Variants in SSH2 observed in about 807,000 individuals in gnomAD.
The protein encoded by SSH2 is protein phosphatase Slingshot homolog 2.
In SSH2, 37 loss-of-function variants were observed where a neutral mutation model predicts 135.2. That is an observed-to-expected ratio of 0.27 (90% CI 0.21 to 0.36). The LOEUF is 0.36. Ranked by LOEUF, SSH2 falls within the 10% of genes least tolerant of loss-of-function variation. The probability of loss-of-function intolerance (pLI) is 1.00; values close to 1 mark genes in which losing one functional copy is unlikely to be tolerated. For synonymous variants in SSH2, 628 were observed against 646.2 expected, an observed-to-expected ratio of 0.97 and a Z score of 0.43; for missense variants, 1,408 against 1,765.3, an observed-to-expected ratio of 0.80 and a Z score of 3.63.
At chr17:29,785,920 TCAGCCTCCC>T (rs1478550945) in intron 3 of SSH2, among the ~76,000 whole-genome samples, 1 of 150,708 alleles carries the variant, frequency 6.6e-6, no homozygotes, top group East Asian at 2.0e-4. Context: ...TTCTCCTGCC[TCAGCCTCCC>T]CAGTAGCTGG....
intron 1 of SSH2, among the ~76,000 whole-genome samples, chr17:29,928,969 T>C (rs554824023): frequency 6.6e-6 from 1 of 152,110 alleles, no homozygotes; most frequent in African/African-American, 2.4e-5. Flanking sequence ...TTTATTTCTC[T>C]CTAAAACATC....
chr17:29,907,882 G>A (rs1414141302), intron 1 of SSH2, among the ~76,000 whole-genome samples: 2 of 145,034 alleles, frequency 1.4e-5, no homozygotes, highest in African/African-American at 5.1e-5. Context: ...TTTCAGTGGT[G>A]TGATCATGGC....
At chr17:29,696,234 CAG>C (rs1312217131) in intron 4 of SSH2, among the ~76,000 whole-genome samples, 11 of 148,446 alleles carry the variant, frequency 7.4e-5, no homozygotes, top group East Asian at 2.0e-4. Context: ...TACATATACA[CAG>C]AGTGAGACTC....
intron 2 of SSH2, among the ~76,000 whole-genome samples, chr17:29,826,985 A>T (rs1240357755): frequency 6.6e-6 from 1 of 152,170 alleles, no homozygotes; most frequent in Admixed American, 6.6e-5. Flanking sequence ...CGACTTTTTC[A>T]TTTCCTTCAT....
chr17:29,869,979 TA>T lies in SSH2; in HGVS notation c.64-21051del, dbSNP rs370405856. Among the ~76,000 whole-genome samples, 94 of 152,184 alleles carry T rather than the reference TA, an allele frequency of 6.2e-4. 2 individuals are homozygous for T. In the East Asian group the frequency reaches 0.015, roughly 25 times the overall value. ...TCTTGCATGGGATATTGGTCGGTAC[TA>T]TTTTTTTTTTCAGGTTTGGTTTTAG... On this transcript the variant is annotated intron_variant, in intron 1 of 15. Transcript: ENST00000540801.
At chr17:29,690,536 G>A (rs1194991518) in intron 5 of SSH2, among the ~76,000 whole-genome samples, 1 of 151,870 alleles carries the variant, frequency 6.6e-6, no homozygotes, top group African/African-American at 2.4e-5. Context: ...AAGGCCCAAT[G>A]TCTAAGACAG....
At chr17:29,783,440 T>C (rs1443923733) in intron 3 of SSH2, among the ~76,000 whole-genome samples, 4 of 151,362 alleles carry the variant, frequency 2.6e-5, no homozygotes, top group African/African-American at 9.7e-5. Flanking sequence ...GTCCCAAAAG[T>C]GAAGAAGTGA....
rs941049566 is a variant in SSH2, at chr17:29,918,189, T to TAATC, written c.63+11745_63+11748dup. Among the ~76,000 whole-genome samples the TAATC allele has an allele frequency of 4.1e-4, 63 of 152,078 alleles. 1 individual carries two copies. Among genetic ancestry groups the TAATC allele is most frequent in the African/African-American group, 1.4e-3 (59 of 41,476 alleles). On this transcript the variant is annotated intron_variant, in intron 1 of 15. Transcript: ENST00000540801. ...TGACAGATGGAGATCCTGTCTCAAA[T>TAATC]AATCAATCAATCAATCAAACAGTAC...
At chr17:29,681,961 C>G (rs1217046618) in intron 6 of SSH2, among the ~76,000 whole-genome samples, 1 of 152,152 alleles carries the variant, frequency 6.6e-6, no homozygotes, top group Non-Finnish European at 1.5e-5. Context: ...GTTTAGCAAA[C>G]AGAATGAAAA....
intron 3 of SSH2, among the ~76,000 whole-genome samples, chr17:29,744,773 C>T (rs2040695889): frequency 6.6e-6 from 1 of 151,960 alleles, no homozygotes; most frequent in Non-Finnish European, 1.5e-5. Flanking sequence ...AATAACCCTG[C>T]CTACGACGTG....
chr17:29,887,915 A>T (rs2066271273), intron 1 of SSH2, among the ~76,000 whole-genome samples: 1 of 152,190 alleles, frequency 6.6e-6, no homozygotes, highest in South Asian at 2.1e-4. Context: ...TAGTTTTTGC[A>T]GATTAGTATA....
At chr17:29,814,553 T>A (rs956034557) in intron 2 of SSH2, among the ~76,000 whole-genome samples, 2 of 152,096 alleles carry the variant, frequency 1.3e-5, no homozygotes, top group Non-Finnish European at 2.9e-5. Context: ...GACCATGTTT[T>A]TGATACCTTA....
intron 1 of SSH2, among the ~76,000 whole-genome samples, chr17:29,910,645 C>T (rs1363071768): frequency 6.6e-6 from 1 of 152,196 alleles, no homozygotes; most frequent in Non-Finnish European, 1.5e-5. Flanking sequence ...AAATGGTTAA[C>T]ATCCTTGATG....
intron 14 of SSH2, among the ~76,000 whole-genome samples, chr17:29,638,822 T>C (rs1007311238): frequency 1.3e-5 from 2 of 152,116 alleles, no homozygotes; most frequent in Non-Finnish European, 2.9e-5. Context: ...TCAGGGATTA[T>C]TGGAGTGAGC....
intron 3 of SSH2, among the ~76,000 whole-genome samples, chr17:29,783,819 C>A (rs966244950): frequency 3.3e-5 from 5 of 151,994 alleles, no homozygotes; most frequent in Admixed American, 2.6e-4. Context: ...GTAATCCCAG[C>A]ACTTTGGGAG....
rs866032134 is a variant in SSH2 at position 29,684,487 on chromosome 17, A to G, written c.479+76T>C. ...GTGATGACACTCCGTCCCCATTAAA[A>G]AAAAAAAAAAAAAAAAGCAACTGGA... On this transcript the variant is annotated intron_variant, in intron 6 of 15. Coordinates refer to ENST00000540801, the MANE Select transcript of SSH2 (RefSeq NM_001282129.2). 3.4e-3 allele frequency: 2,973 copies of G among 874,456 alleles called. 27 individuals carry two copies. In the African/African-American group the frequency reaches 0.037, roughly 11 times the overall value. 54.2% of individuals were successfully genotyped at this position (874,456 alleles called of 1,614,324 possible). A position where few individuals can be genotyped will look rare whatever the true frequency, so the allele number is the denominator to read the frequency against.
chr17:29,636,140 G>A lies in SSH2; in HGVS notation c.2090C>T (p.Ser697Phe), dbSNP rs1211747843. The A allele has an allele frequency of 1.2e-6, 2 of 1,614,184 alleles. No homozygotes were observed. The highest frequency in any genetic ancestry group is 2.2e-5 in the South Asian group (2 of 91,080). ...VELSQETRSR[S>F]FSHSRMEELG... is the part of the protein sequence containing the mutation. ...TTCCTCCATCCTTGAATGGGAAAAA[G>A]ATCGTGACCGGGTTTCTTGGGAGAG... The change falls in exon 15 of 16, where the codon TCT (serine) becomes TTT (phenylalanine). Residue 697 changes from serine (S) to phenylalanine (F), a missense_variant. Physicochemically the swap from Ser to Phe is radical, Grantham distance 155. This residue lies in a region of SSH2 where 1,080 missense variants were observed against 1,144.5 expected (regional missense o/e 0.94). Coordinates refer to ENST00000540801, the MANE Select transcript of SSH2 (RefSeq NM_001282129.2).
chr17:29,765,531 G>C (rs1209138270), intron 3 of SSH2, among the ~76,000 whole-genome samples: 1 of 152,168 alleles, frequency 6.6e-6, no homozygotes, highest in African/African-American at 2.4e-5. Flanking sequence ...GTTTAGATTA[G>C]AGATTATCCT....
At chr17:29,834,590 T>C (rs2042912955) in intron 2 of SSH2, among the ~76,000 whole-genome samples, 1 of 152,288 alleles carries the variant, frequency 6.6e-6, no homozygotes, top group South Asian at 2.1e-4. Flanking sequence ...TTTTTGACTT[T>C]ATGTACTTGA....
Sources: allele counts gnomAD v4.1 joint callset (sites outside exome capture counted in the v4.1 genomes callset), GRCh38; gene constraint gnomAD v4.1.1; regional missense constraint gnomAD v4.1.1; transcripts MANE v1.5; gene names NCBI Gene and HGNC (gene_info 2026-07-23, HGNC 2026-07-21).